The following FGF14 variants were observed in gnomAD, a reference collection of about 807,000 sequenced individuals.
FGF14 encodes the protein fibroblast growth factor 14, also known as fibroblast growth factor homologous factor 4.
A neutral mutation model predicts 25.5 loss-of-function variants in FGF14; 5 were observed. That is an observed-to-expected ratio of 0.20 (90% CI 0.10 to 0.41). The LOEUF is 0.41. FGF14 is among the 10% of genes least tolerant of loss of function. The pLI, the probability that FGF14 is intolerant of heterozygous loss-of-function variation, is 1.00. For synonymous variants in FGF14, 138 were observed against 118.3 expected, an observed-to-expected ratio of 1.17 and a Z score of -1.08; for missense variants, 222 against 320.1, an observed-to-expected ratio of 0.69 and a Z score of 2.34.
chr13:102,127,102 TTA>T (rs141046497), intron 1 of FGF14, among the ~76,000 whole-genome samples: 1 of 151,772 alleles, frequency 6.6e-6, no homozygotes, highest in Admixed American at 6.6e-5. Flanking sequence ...CTCACTCATA[TTA>T]TATATATATA....
intron 1 of FGF14, among the ~76,000 whole-genome samples, chr13:102,320,648 A>C (rs1475615512): frequency 6.6e-6 from 1 of 152,170 alleles, no homozygotes; most frequent in African/African-American, 2.4e-5. Context: ...CTCCTCCCCT[A>C]GGAGTTTGTG....
chr13:102,033,517 T>A lies in FGF14; in HGVS notation c.209-158221A>T, dbSNP rs190168134. On this transcript the variant is annotated intron_variant, in intron 1 of 4. Transcript: ENST00000376131. ...TGCACGCACACACACACACACACAC[T>A]CATGCACGCATACTCAATGACACCA... Among the ~76,000 whole-genome samples the A allele has an allele frequency of 2.6e-4, 40 of 151,040 alleles. 1 individual carries two copies. Among genetic ancestry groups the A allele is most frequent in the Admixed American group, 2.4e-3 (36 of 15,180 alleles).
chr13:102,075,368 G>A (rs1197131296), intron 1 of FGF14, among the ~76,000 whole-genome samples: 2 of 152,242 alleles, frequency 1.3e-5, no homozygotes, highest in East Asian at 3.9e-4. Flanking sequence ...CAATGAATTT[G>A]GTTAATGACA....
rs1438258200 is a variant in FGF14 at position 101,711,996 on chromosome 13, T to A, written c.*10835A>T. The A allele has an allele frequency of 6.6e-6, 1 of 152,210 alleles. No individual in the cohort carries two copies. The highest frequency in any genetic ancestry group is 1.5e-5 in the Non-Finnish European group (1 of 68,058). The allele number at this position is 152,210 out of a possible 1,614,324, so 9.4% of individuals were successfully genotyped here. ...CCTCTTGATAGTCATGCAGCCTACA[T>A]CTGTCTGATGGAACCCTCTCCCTGT... On this transcript the variant is annotated 3_prime_UTR_variant, in exon 5 of 5. Coordinates refer to ENST00000376143, the MANE Select transcript of FGF14 (RefSeq NM_004115.4).
At position 102,007,340 on chromosome 13, in the gene FGF14, G is replaced by A. The variant is rs531743630; in HGVS notation, c.209-132044C>T. Among the ~76,000 whole-genome samples the A allele has an allele frequency of 6.6e-5, 10 of 152,316 alleles. No homozygotes were observed. In the South Asian group the frequency reaches 1.7e-3, roughly 25 times the overall value. ...CTTTATGTATAGTGTATGTGTTCAA[G>A]TATTAATAAATCTGAGGTATGGTCA... On this transcript the variant is annotated intron_variant, in intron 1 of 4. Transcript: ENST00000376131.
chr13:101,741,772 C>T (rs1430677945), intron 3 of FGF14, among the ~76,000 whole-genome samples: 2 of 151,944 alleles, frequency 1.3e-5, no homozygotes, highest in African/African-American at 4.8e-5. Context: ...TAGATTAGTT[C>T]TTCTATTCAC....
intron 3 of FGF14, among the ~76,000 whole-genome samples, chr13:101,861,261 C>T (rs937585312): frequency 1.3e-5 from 2 of 152,104 alleles, no homozygotes; most frequent in African/African-American, 4.8e-5. Flanking sequence ...ATCCAATAGT[C>T]ATTCCATGAC....
intron 1 of FGF14, among the ~76,000 whole-genome samples, chr13:102,165,306 CA>C (rs1286167281): frequency 6.6e-6 from 1 of 151,938 alleles, no homozygotes; most frequent in Non-Finnish European, 1.5e-5. Context: ...CCAGCCATCC[CA>C]TTACTGGGTA....
At chr13:102,164,365 C>T (rs1234737348) in intron 1 of FGF14, among the ~76,000 whole-genome samples, 2 of 152,130 alleles carry the variant, frequency 1.3e-5, no homozygotes, top group African/African-American at 2.4e-5. Flanking sequence ...ATATTAGACA[C>T]TGTGTTTACT....
upstream of FGF14, among the ~76,000 whole-genome samples, chr13:101,921,494 C>A (rs1320970971): frequency 6.6e-6 from 1 of 152,184 alleles, no homozygotes; most frequent in African/African-American, 2.4e-5. Context: ...AATGTCATTT[C>A]TTTCTCTAAT....
intron 1 of FGF14, among the ~76,000 whole-genome samples, chr13:102,104,047 C>T (rs1054142031): frequency 5.9e-5 from 9 of 152,142 alleles, no homozygotes; most frequent in South Asian, 2.1e-4. Flanking sequence ...AAAAGGATAT[C>T]GAGCAGGCGT....
intron 1 of FGF14, among the ~76,000 whole-genome samples, chr13:101,949,184 T>C (rs17687600): frequency 0.11 from 17,145 of 152,178 alleles, 1,087 homozygotes; most frequent in East Asian, 0.2. Flanking sequence ...AAATGGTCAA[T>C]AAACTGCATT....
At chr13:101,970,857 C>A (rs2037548193) in intron 1 of FGF14, among the ~76,000 whole-genome samples, 1 of 152,166 alleles carries the variant, frequency 6.6e-6, no homozygotes, top group East Asian at 1.9e-4. Flanking sequence ...ATTCACTCTA[C>A]CAACCCTCCC....
chr13:101,982,709 G>A (rs1479608893), intron 1 of FGF14, among the ~76,000 whole-genome samples: 1 of 152,166 alleles, frequency 6.6e-6, no homozygotes, highest in Non-Finnish European at 1.5e-5. Flanking sequence ...TTTGCCTGAA[G>A]TACCCTACGA....
At chr13:102,095,700 C>A (rs1458422853) in intron 1 of FGF14, among the ~76,000 whole-genome samples, 1 of 152,030 alleles carries the variant, frequency 6.6e-6, no homozygotes, top group East Asian at 1.9e-4. Context: ...TGATCCACTT[C>A]CACTTAATGA....
intron 1 of FGF14, among the ~76,000 whole-genome samples, chr13:102,083,244 G>C (rs970050610): frequency 2.0e-5 from 3 of 152,170 alleles, no homozygotes; most frequent in Non-Finnish European, 4.4e-5. Flanking sequence ...CTGGATGGCT[G>C]CAAAAGCTTC....
At chr13:102,094,705 G>A (rs2044313024) in intron 1 of FGF14, among the ~76,000 whole-genome samples, 1 of 152,178 alleles carries the variant, frequency 6.6e-6, no homozygotes, top group Non-Finnish European at 1.5e-5. Flanking sequence ...TCTTTTGGCT[G>A]TACAAGAAGA....
chr13:101,751,197 C>T (rs567043064), intron 3 of FGF14, among the ~76,000 whole-genome samples: 93 of 152,000 alleles, frequency 6.1e-4, no homozygotes, highest in Non-Finnish European at 1.1e-3. Context: ...AAACTATGGA[C>T]GTTAGCTAAT....
chr13:101,916,573 A>G lies in FGF14; in HGVS notation c.73T>C (p.Ser25Pro), dbSNP rs754663761. Residue 25 changes from serine (S) to proline (P), a missense_variant, in exon 1 of 5, where the codon TCT (serine) becomes CCT (proline). Physicochemically the swap from Ser to Pro is moderately conservative, Grantham distance 74. This residue lies in a region of FGF14 where 80 missense variants were observed against 72.2 expected (regional missense o/e 1.11). Coordinates refer to ENST00000376143, the MANE Select transcript of FGF14 (RefSeq NM_004115.4). ...QAREQHWDRP[S>P]ASRRRSSPSK... is the part of the protein sequence containing the mutation. Reference sequence around the variant, plus strand: ...GGGCTGCTCCGCCTCCTGCTGGCAGACGGCCGGTCCCAGTGCTGCTCCCGC... The same window carrying G: ...GGGCTGCTCCGCCTCCTGCTGGCAGGCGGCCGGTCCCAGTGCTGCTCCCGC... 1 of 1,610,130 alleles carries G rather than the reference A, an allele frequency of 6.2e-7. No individual in the cohort carries two copies. Among genetic ancestry groups the G allele is most frequent in the Non-Finnish European group, 8.5e-7 (1 of 1,178,686 alleles).
Sources: allele counts gnomAD v4.1 joint callset (sites outside exome capture counted in the v4.1 genomes callset), GRCh38; gene constraint gnomAD v4.1.1; regional missense constraint gnomAD v4.1.1; transcripts MANE v1.5; gene names NCBI Gene and HGNC (gene_info 2026-07-23, HGNC 2026-07-21).